SLC24A2: variants seen among roughly 807,000 people sequenced by gnomAD.
The protein encoded by SLC24A2 is solute carrier family 24 member 2.
A neutral mutation model predicts 62.0 loss-of-function variants in SLC24A2; 36 were observed. That is an observed-to-expected ratio of 0.58 (90% CI 0.44 to 0.77). The LOEUF (loss-of-function observed/expected upper bound fraction) is 0.77. SLC24A2 is among the 30% of genes least tolerant of loss of function. The pLI is 0.00. For missense variants in SLC24A2, 846 were observed against 817.9 expected, an observed-to-expected ratio of 1.03 and a Z score of -0.42; for synonymous variants, 358 against 294.0, an observed-to-expected ratio of 1.22 and a Z score of -2.23.
the SLC24A2 span, among the ~76,000 whole-genome samples, chr9:19,811,581 A>G: frequency 6.6e-6 from 1 of 152,132 alleles, no homozygotes; most frequent in Non-Finnish European, 1.5e-5. Flanking sequence ...TGTTGGGATT[A>G]CAGGCATCAG....
At chr9:19,574,972 T>TC (rs1332192460) in intron 6 of SLC24A2, among the ~76,000 whole-genome samples, 1 of 152,150 alleles carries the variant, frequency 6.6e-6, no homozygotes, top group Non-Finnish European at 1.5e-5. Flanking sequence ...GCTTTTTTTT[T>TC]CCTAGCAACT....
At chr9:19,832,824 T>A in the SLC24A2 span, among the ~76,000 whole-genome samples, 1 of 151,722 alleles carries the variant, frequency 6.6e-6, no homozygotes, top group Non-Finnish European at 1.5e-5. Flanking sequence ...TGGGAGAAAA[T>A]TTTTGCAATC....
intron 2 of SLC24A2, among the ~76,000 whole-genome samples, chr9:19,770,125 C>A (rs972093418): frequency 6.6e-6 from 1 of 151,526 alleles, no homozygotes; most frequent in South Asian, 2.1e-4. Flanking sequence ...GGAAACCTAA[C>A]TTGCCTGATT....
the SLC24A2 span, among the ~76,000 whole-genome samples, chr9:20,275,012 G>A: frequency 2.2e-4 from 33 of 152,132 alleles, no homozygotes; most frequent in Non-Finnish European, 4.4e-4. Flanking sequence ...ATTAGGGGTG[G>A]ACTCCTGATC....
chr9:20,274,847 C>T, the SLC24A2 span, among the ~76,000 whole-genome samples: 43 of 152,100 alleles, frequency 2.8e-4, no homozygotes, highest in African/African-American at 1.0e-3. Context: ...GATGAGCATG[C>T]CACGGTGCAG....
chr9:19,554,392 A>C (rs1834983431), intron 7 of SLC24A2, among the ~76,000 whole-genome samples: 2 of 152,236 alleles, frequency 1.3e-5, no homozygotes, highest in Non-Finnish European at 2.9e-5. Context: ...GATGATTTAA[A>C]GGATATGGGA....
the SLC24A2 span, chr9:19,895,689 A>C: frequency 2.2e-6 from 2 of 912,618 alleles, no homozygotes; most frequent in Non-Finnish European, 3.3e-6. Context: ...TTCACATTGC[A>C]CTGTTCATTG....
At chr9:20,085,522 T>A in the SLC24A2 span, among the ~76,000 whole-genome samples, 1 of 152,226 alleles carries the variant, frequency 6.6e-6, no homozygotes, top group East Asian at 1.9e-4. Flanking sequence ...ATAATAGCGT[T>A]GTTTGACTAA....
chr9:19,893,602 T>A, the SLC24A2 span, among the ~76,000 whole-genome samples: 3 of 152,232 alleles, frequency 2.0e-5, no homozygotes, highest in Non-Finnish European at 4.4e-5. Flanking sequence ...AATTCAGTCC[T>A]TTCAACAATT....
At chr9:20,179,463 C>G in the SLC24A2 span, among the ~76,000 whole-genome samples, 30 of 152,284 alleles carry the variant, frequency 2.0e-4, no homozygotes, top group East Asian at 5.4e-3. Flanking sequence ...CAAACATCAG[C>G]AGTTGCTGGT....
At chr9:19,897,153 T>A in the SLC24A2 span, among the ~76,000 whole-genome samples, 1 of 152,192 alleles carries the variant, frequency 6.6e-6, no homozygotes, top group Non-Finnish European at 1.5e-5. Flanking sequence ...TGGGCCTTGG[T>A]AGAACTCTTC....
intron 2 of SLC24A2, among the ~76,000 whole-genome samples, chr9:19,718,499 CAG>C (rs1460150814): frequency 1.7e-5 from 2 of 117,908 alleles, no homozygotes; most frequent in African/African-American, 6.7e-5. Flanking sequence ...TTTGTAGAAA[CAG>C]GGTTTCACCA....
At chr9:20,015,832 C>T in the SLC24A2 span, among the ~76,000 whole-genome samples, 1 of 152,180 alleles carries the variant, frequency 6.6e-6, no homozygotes, top group African/African-American at 2.4e-5. Flanking sequence ...TCTTCCTGTT[C>T]TCAGCTTTGG....
At chr9:20,173,059 T>C in the SLC24A2 span, among the ~76,000 whole-genome samples, 3 of 151,964 alleles carry the variant, frequency 2.0e-5, no homozygotes, top group African/African-American at 4.8e-5. Flanking sequence ...ATACACCACA[T>C]AAAAAGAATT....
the SLC24A2 span, among the ~76,000 whole-genome samples, chr9:20,161,421 T>TA: frequency 6.6e-6 from 1 of 151,354 alleles, no homozygotes; most frequent in East Asian, 2.0e-4. Flanking sequence ...TTAAAAATAG[T>TA]ACAAAAAAGA....
At chr9:19,665,876 C>T (rs905583722) in intron 2 of SLC24A2, among the ~76,000 whole-genome samples, 3 of 151,998 alleles carry the variant, frequency 2.0e-5, no homozygotes, top group Non-Finnish European at 2.9e-5. Context: ...TCCATGTGGT[C>T]CTGAACTCCT....
chr9:20,120,171 T>C, the SLC24A2 span, among the ~76,000 whole-genome samples: 5 of 152,216 alleles, frequency 3.3e-5, no homozygotes, highest in African/African-American at 1.2e-4. Context: ...CTTTTAGTTT[T>C]CCACTGTTTT....
intron 2 of SLC24A2, among the ~76,000 whole-genome samples, chr9:19,643,452 A>G (rs1181911883): frequency 6.6e-6 from 1 of 152,218 alleles, no homozygotes; most frequent in Non-Finnish European, 1.5e-5. Flanking sequence ...AAATGTACCT[A>G]AAATGGCAGC....
chr9:19,751,730 T>C (rs140883794), intron 2 of SLC24A2, among the ~76,000 whole-genome samples: 4 of 152,186 alleles, frequency 2.6e-5, no homozygotes, highest in Admixed American at 6.5e-5. Context: ...TCACCTGATA[T>C]GCCAATCTGC....
Sources: gnomAD v4.1 joint callset for allele counts (sites outside exome capture counted in the v4.1 genomes callset) on GRCh38, gnomAD v4.1.1 for gene constraint, MANE v1.5 for transcripts, NCBI Gene and HGNC (gene_info 2026-07-23, HGNC 2026-07-21) for gene names.